Variants in HIVEP3 observed in about 807,000 individuals in gnomAD.
HIVEP3 encodes HIVEP zinc finger 3.
Under a neutral mutation model 152.8 loss-of-function variants are expected in HIVEP3, and 49 were observed. That is an observed-to-expected ratio of 0.32 (90% CI 0.26 to 0.41). The LOEUF (loss-of-function observed/expected upper bound fraction) is 0.41. HIVEP3 is among the 10% of genes least tolerant of loss of function. The probability of loss-of-function intolerance (pLI) is 1.00; values close to 1 mark genes in which losing one functional copy is unlikely to be tolerated. For synonymous variants in HIVEP3, 1,269 were observed against 1,289.0 expected, an observed-to-expected ratio of 0.98 and a Z score of 0.33; for missense variants, 2,790 against 3,103.3, an observed-to-expected ratio of 0.90 and a Z score of 2.40.
In HIVEP3 at chr1:41,506,365, T is replaced by A. The variant is rs1644381772; in HGVS notation, c.*4086A>T. ...AAACCATGAGCCAGGCAAGCAGGGC[T>A]ATGTTGGGATTTTCAAATTTATTCC... On this transcript the variant is annotated 3_prime_UTR_variant, in exon 9 of 9. Coordinates refer to ENST00000372583, the MANE Select transcript of HIVEP3 (RefSeq NM_024503.5). 1.3e-5 allele frequency: 2 copies of A among 152,210 alleles called. No individual in the cohort carries two copies. Among genetic ancestry groups the A allele is most frequent in the African/African-American group, 2.4e-5 (1 of 41,450 alleles). The allele number at this position is 152,210 out of a possible 1,614,324, so 9.4% of individuals were successfully genotyped here. A position where few individuals can be genotyped will look rare whatever the true frequency, so the allele number is the denominator to read the frequency against.
chr1:41,677,291 ATAATCCGGTC>A (rs1157040801), intron 2 of HIVEP3, among the ~76,000 whole-genome samples: 4 of 152,258 alleles, frequency 2.6e-5, no homozygotes, highest in Admixed American at 2.6e-4. Flanking sequence ...CTTCACACGT[ATAATCCGGTC>A]TAATCCTCAT....
At position 41,582,593 on chromosome 1, in the gene HIVEP3, A is replaced by G. The variant is rs771654021; in HGVS notation, c.2205T>C (p.Ser735=). 6.2e-7 allele frequency: 1 copy of G among 1,612,538 alleles called. No homozygotes were observed. The highest frequency in any genetic ancestry group is 8.5e-7 in the Non-Finnish European group (1 of 1,179,188). ...EEPPAFESTK[S]QFGSPGPSDA... ...CAGATGGCCCGGGGCTGCCAAACTG[A>G]CTTTTTGTGGACTCAAAGGCAGGTG... The change falls in exon 4 of 9, where the codon AGT becomes AGC. Residue 735 remains serine, a synonymous_variant. Coordinates refer to ENST00000372583, the MANE Select transcript of HIVEP3 (RefSeq NM_024503.5). The surrounding 1 kb of genome is among the most constrained non-coding windows in gnomAD (Gnocchi z 4.7).
intron 1 of HIVEP3, among the ~76,000 whole-genome samples, chr1:41,925,871 ATTTCCCAGCC>A (rs1466282468): frequency 1.3e-5 from 2 of 152,170 alleles, no homozygotes; most frequent in African/African-American, 4.8e-5. Context: ...CAAAGACTAC[ATTTCCCAGCC>A]TGTCTTATAG....
intron 7 of HIVEP3, among the ~76,000 whole-genome samples, chr1:41,514,902 G>A (rs983366138): frequency 2.0e-5 from 3 of 152,218 alleles, no homozygotes; most frequent in Non-Finnish European, 4.4e-5. Flanking sequence ...TGGAATACTA[G>A]CCTCCTGGTC....
intron 1 of HIVEP3, among the ~76,000 whole-genome samples, chr1:41,973,046 GCACACACA>G (rs61424124): frequency 3.4e-5 from 5 of 147,120 alleles, no homozygotes; most frequent in African/African-American, 7.5e-5. Context: ...ACATGTGCGT[GCACACACA>G]CACACACACA....
chr1:41,647,810 T>G (rs537872664), intron 2 of HIVEP3, among the ~76,000 whole-genome samples: 3 of 152,206 alleles, frequency 2.0e-5, no homozygotes, highest in African/African-American at 4.8e-5. Flanking sequence ...CACCAAACAC[T>G]GGGATCCGCA....
intron 1 of HIVEP3, among the ~76,000 whole-genome samples, chr1:41,724,850 C>A (rs530468876): frequency 1.1e-4 from 16 of 152,352 alleles, no homozygotes; most frequent in Admixed American, 5.9e-4. Flanking sequence ...CTGGACAAGG[C>A]TGAGGTGAGA....
In HIVEP3 at chr1:41,508,511, C is replaced by G. The variant is rs1292722958; in HGVS notation, c.*1940G>C. 6.6e-6 allele frequency: 1 copy of G among 152,244 alleles called. No individual in the cohort carries two copies. Among genetic ancestry groups the G allele is most frequent in the Non-Finnish European group, 1.5e-5 (1 of 68,064 alleles). 9.4% of individuals were successfully genotyped at this position (152,244 alleles called of 1,614,324 possible). On this transcript the variant is annotated 3_prime_UTR_variant, in exon 9 of 9. Coordinates refer to ENST00000372583, the MANE Select transcript of HIVEP3 (RefSeq NM_024503.5). ...TGGCTAACCCTGATTCCCCAGAACC[C>G]TGGAGCACAGTGGACTCCCAGGGAG... is the stretch of plus-strand genomic sequence containing the variant.
chr1:41,630,558 C>A (rs1037601079), intron 2 of HIVEP3, among the ~76,000 whole-genome samples: 4 of 152,206 alleles, frequency 2.6e-5, no homozygotes, highest in Non-Finnish European at 4.4e-5. Context: ...AAAGGATTGG[C>A]CCGCAGCTTC....
chr1:41,526,539 C>T (rs1354134285), intron 5 of HIVEP3, among the ~76,000 whole-genome samples: 1 of 92,256 alleles, frequency 1.1e-5, no homozygotes, highest in Non-Finnish European at 2.4e-5. Flanking sequence ...ATGCTTACAC[C>T]CCCACACTCA....
intron 1 of HIVEP3, among the ~76,000 whole-genome samples, chr1:41,792,000 C>T (rs1649725296): frequency 6.6e-6 from 1 of 152,188 alleles, no homozygotes; most frequent in African/African-American, 2.4e-5. Context: ...TCCGTGAAGC[C>T]TTTCCAGATG....
intron 1 of HIVEP3, among the ~76,000 whole-genome samples, chr1:41,856,149 T>C (rs918678561): frequency 6.6e-6 from 1 of 152,176 alleles, no homozygotes; most frequent in Non-Finnish European, 1.5e-5. Context: ...ATCTGCATTC[T>C]TATATGAAAT....
At chr1:41,618,350 C>T (rs1375628244) in intron 3 of HIVEP3, among the ~76,000 whole-genome samples, 1 of 152,234 alleles carries the variant, frequency 6.6e-6, no homozygotes, top group Non-Finnish European at 1.5e-5. Context: ...CCTGCCTAAG[C>T]ATGTCCATCT....
rs58470482 is a variant in HIVEP3, at chr1:41,966,475, C to CTTTTTTTTTTTTTTTTTTTTTTTT, written n.120-47952_120-47951insAAAAAAAAAAAAAAAAAAAAAAAA. Among the ~76,000 whole-genome samples, 2 of 95,810 alleles carry CTTTTTTTTTTTTTTTTTTTTTTTT rather than the reference C, an allele frequency of 2.1e-5. 1 individual carries two copies. Among genetic ancestry groups the CTTTTTTTTTTTTTTTTTTTTTTTT allele is most frequent in the African/African-American group, 8.1e-5 (2 of 24,574 alleles). 62.9% of individuals were successfully genotyped at this position (95,810 alleles called of 152,430 possible). On this transcript the variant is annotated intron_variant and non_coding_transcript_variant, in intron 1 of 3. Coordinates refer to the HIVEP3 transcript ENST00000489103. Reference sequence around the variant, plus strand: ...TCAAGACCCATCAGTGTGCTGTATTCTTTTTTTTTTTTTTTTGAGATGGAG... The same window carrying CTTTTTTTTTTTTTTTTTTTTTTTT: ...TCAAGACCCATCAGTGTGCTGTATTCTTTTTTTTTTTTTTTTTTTTTTTTTTTTTTTTTTTTTTTTGAGATGGAG...
Position 41,513,115 on chromosome 1 carries a change from G to A in HIVEP3, c.6106C>T (p.Leu2036Phe). ...TCTCTTCCCAGGGGGCAGAGGGTGA[G>A]AGGAGACAGCTGAAGTCTTGGAGAC... is the stretch of plus-strand genomic sequence containing the variant. ...CGSPRLQLSPLTLCPLGRELA... is the reference protein window; with the variant it reads ...CGSPRLQLSPFTLCPLGRELA... The change falls in exon 8 of 9, where the codon CTC becomes TTC. Residue 2036 changes from leucine to phenylalanine, a missense_variant. Physicochemically the swap from Leu to Phe is conservative, Grantham distance 22. Transcript: ENST00000372583. 6.2e-7 allele frequency: 1 copy of A among 1,613,896 alleles called. No homozygotes were observed. The highest frequency in any genetic ancestry group is 8.5e-7 in the Non-Finnish European group (1 of 1,180,052).
intron 1 of HIVEP3, among the ~76,000 whole-genome samples, chr1:42,027,859 A>G (rs1025507885): frequency 6.6e-6 from 1 of 152,200 alleles, no homozygotes; most frequent in Non-Finnish European, 1.5e-5. Context: ...TCACGAGAAT[A>G]GCACAGGAAA....
At chr1:41,846,166 G>T (rs1170256451) in intron 1 of HIVEP3, among the ~76,000 whole-genome samples, 1 of 152,126 alleles carries the variant, frequency 6.6e-6, no homozygotes, top group East Asian at 1.9e-4. Flanking sequence ...AATTTTTCAG[G>T]GTGACGGTCA....
intron 1 of HIVEP3, among the ~76,000 whole-genome samples, chr1:42,013,261 G>A (rs1034299398): frequency 9.9e-5 from 15 of 152,054 alleles, no homozygotes; most frequent in African/African-American, 3.4e-4. Context: ...CCACACTAAT[G>A]ACCTCATTTT....
intron 1 of HIVEP3, among the ~76,000 whole-genome samples, chr1:41,961,840 A>C (rs890704598): frequency 1.3e-5 from 2 of 152,262 alleles, no homozygotes; most frequent in Non-Finnish European, 2.9e-5. Context: ...TCTATCCCGG[A>C]AAATAATATC....
Sources: allele counts gnomAD v4.1 joint callset (sites outside exome capture counted in the v4.1 genomes callset), GRCh38; gene constraint gnomAD v4.1.1; non-coding constraint Gnocchi (gnomAD v3.1); transcripts MANE v1.5; gene names NCBI Gene and HGNC (gene_info 2026-07-23, HGNC 2026-07-21).